Variants in SCAP observed in about 807,000 individuals in gnomAD.
SCAP encodes the protein SREBF chaperone.
Under a neutral mutation model 123.6 loss-of-function variants are expected in SCAP, and 65 were observed. The ratio of observed to expected loss-of-function variants is 0.53; its 90% CI spans 0.43 to 0.65. SCAP has a LOEUF of 0.65. Ranked by LOEUF, SCAP falls within the 30% of genes least tolerant of loss-of-function variation. SCAP has a pLI of 0.00. For synonymous variants in SCAP, 740 were observed against 726.3 expected, an observed-to-expected ratio of 1.02 and a Z score of -0.30; for missense variants, 1,398 against 1,712.5, an observed-to-expected ratio of 0.82 and a Z score of 3.24.
At chr3:47,446,823 A>G (rs1192116963) in intron 1 of SCAP, among the ~76,000 whole-genome samples, 2 of 152,064 alleles carry the variant, frequency 1.3e-5, no homozygotes, top group East Asian at 3.9e-4. Flanking sequence ...ACATGCCTGT[A>G]GTCCTAGCTA....
Position 47,428,655 on chromosome 3 carries a change from C to G in SCAP, c.268G>C (p.Val90Leu), listed in dbSNP as rs1464342390. The G allele has an allele frequency of 1.2e-6, 2 of 1,614,010 alleles. No homozygotes were observed. The highest frequency in any genetic ancestry group is 4.5e-5 in the East Asian group (2 of 44,884). The change falls in exon 4 of 23, where the codon GTG becomes CTG. Residue 90 changes from valine (V) to leucine (L), a missense_variant. Coordinates refer to ENST00000265565, the MANE Select transcript of SCAP (RefSeq NM_012235.4). ...EQPEWYVGAPVAYVQQIFVKS... is the reference protein window; with the variant it reads ...EQPEWYVGAPLAYVQQIFVKS... Reference sequence around the variant, plus strand: ...ACAAATATCTGCTGGACATAAGCCACCGGGGCACCCACATACTGCAGAAGA... The same window carrying G: ...ACAAATATCTGCTGGACATAAGCCAGCGGGGCACCCACATACTGCAGAAGA...
At chr3:47,446,102 T>C (rs902157716) in intron 1 of SCAP, among the ~76,000 whole-genome samples, 5 of 151,568 alleles carry the variant, frequency 3.3e-5, no homozygotes, top group African/African-American at 1.2e-4. Flanking sequence ...TCTCAATCTC[T>C]TGACCTCGTG....
intron 3 of SCAP, among the ~76,000 whole-genome samples, chr3:47,430,823 C>A (rs1706328615): frequency 1.3e-5 from 2 of 151,880 alleles, no homozygotes; most frequent in African/African-American, 4.8e-5. Flanking sequence ...GGGGCTGTCT[C>A]CACGCCTGGG....
chr3:47,429,268 G>A (rs540441420), intron 3 of SCAP, among the ~76,000 whole-genome samples: 3 of 152,262 alleles, frequency 2.0e-5, no homozygotes, highest in African/African-American at 7.2e-5. Context: ...TGGGCAGCGA[G>A]CCTCTTTTGC....
chr3:47,416,199 AAAGGCGTCCGGCAG>A (rs1297379881), intron 18 of SCAP, among the ~76,000 whole-genome samples: 1 of 152,244 alleles, frequency 6.6e-6, no homozygotes, highest in East Asian at 1.9e-4. Flanking sequence ...ACAGGCAGGC[AAAGGCGTCCGGCAG>A]AAGGCACCTG....
At chr3:47,428,476 T>C in intron 4 of SCAP, 37 bp downstream of exon 4, 1 of 1,602,914 alleles carries the variant, frequency 6.2e-7, no homozygotes, top group Non-Finnish European at 8.5e-7. Flanking sequence ...CAGTACAGAA[T>C]GGGATTCAGG....
Position 47,420,571 on chromosome 3 carries a change from C to A in SCAP, c.1546G>T (p.Ala516Ser). 2.5e-6 allele frequency: 4 copies of A among 1,605,914 alleles called. No homozygotes were observed. The highest frequency in any genetic ancestry group is 3.4e-6 in the Non-Finnish European group (4 of 1,176,706). The change falls in exon 12 of 23, where the codon GCA (alanine) becomes TCA (serine). Residue 516 changes from alanine to serine, a missense_variant. Ala to Ser is a moderately conservative substitution (Grantham distance 99, BLOSUM62 1). Coordinates refer to ENST00000265565, the MANE Select transcript of SCAP (RefSeq NM_012235.4). This position sits in a 1 kb window ranked among gnomAD's most constrained non-coding sequence, Gnocchi z 5.0. ...GCAGGTACCATGATGAGGCGCTGTG[C>A]CAGGCGGGTGCGGGCCAGGAAGTAG... is the stretch of plus-strand genomic sequence containing the variant. ...VVYFLARTRL[A>S]QRLIMAGTVV...
intron 1 of SCAP, among the ~76,000 whole-genome samples, chr3:47,455,870 T>C (rs985958438): frequency 6.6e-6 from 1 of 152,066 alleles, no homozygotes; most frequent in Non-Finnish European, 1.5e-5. Flanking sequence ...GGGAACTAAC[T>C]TCACCAAATA....
intron 1 of SCAP, among the ~76,000 whole-genome samples, chr3:47,454,224 G>A (rs1250511097): frequency 1.3e-5 from 2 of 151,924 alleles, no homozygotes; most frequent in Non-Finnish European, 2.9e-5. Flanking sequence ...AAAATTAGCC[G>A]GGCGAGGTGG....
chr3:47,427,395 G>A lies in SCAP; in HGVS notation c.631+52C>T, dbSNP rs190990044. 56 of 1,585,080 alleles carry A rather than the reference G, an allele frequency of 3.5e-5. No individual in the cohort carries two copies. The Admixed American group carries it at 4.7e-4, about 13-fold the overall frequency. On this transcript the variant is annotated intron_variant, in intron 5 of 22. Transcript: ENST00000265565. ...CTGCCTAAGCACACATCAAAAAGAC[G>A]GTGACCAATGGGCACCTTTACAGGT... is the stretch of plus-strand genomic sequence containing the variant.
intron 1 of SCAP, among the ~76,000 whole-genome samples, chr3:47,445,403 C>T (rs919455832): frequency 6.6e-6 from 1 of 151,890 alleles, no homozygotes; most frequent in African/African-American, 2.4e-5. Context: ...CCCGCCACTA[C>T]GCCCAGCTAT....
In SCAP at chr3:47,418,350, C is replaced by T. The variant is rs756639053; in HGVS notation, c.2302G>A (p.Val768Met). 11 of 1,569,696 alleles carry T rather than the reference C, an allele frequency of 7.0e-6. No homozygotes were observed. The highest frequency in any genetic ancestry group is 5.4e-5 in the African/African-American group (4 of 73,836). ...YGYAPPETEIVPLVLRGHLMD... is the reference protein window; with the variant it reads ...YGYAPPETEIMPLVLRGHLMD... ...AGGTGGCCGCGCAGCACAAGCGGCA[C>T]GATCTCCGTCTCGGGTGGCGCATAG... Residue 768 changes from valine to methionine, a missense_variant, in exon 15 of 23, where the codon GTG becomes ATG. By Grantham distance (21) the Val-to-Met change is conservative. Transcript: ENST00000265565.
intron 1 of SCAP, among the ~76,000 whole-genome samples, chr3:47,458,544 T>C (rs1199017685): frequency 6.6e-6 from 1 of 152,180 alleles, no homozygotes; most frequent in African/African-American, 2.4e-5. Context: ...AGAAGATGAG[T>C]ACTGGCACAT....
chr3:47,420,711 C>T lies in SCAP; in HGVS notation c.1406G>A (p.Gly469Glu). The change falls in exon 12 of 23, where the codon GGA becomes GAA. Residue 469 changes from glycine to glutamate, a missense_variant. Gly to Glu is a moderately conservative substitution (Grantham distance 98). Coordinates refer to ENST00000265565, the MANE Select transcript of SCAP (RefSeq NM_012235.4). The surrounding 1 kb of genome is among the most constrained non-coding windows in gnomAD (Gnocchi z 5.0). ...CTGCCGCTCGTAGCGCGTTGGCTGT[C>T]CCACTGGCTTGGCTGAGGGCAGGCA... Reference protein sequence around the residue: ...EACLPSAKPVGQPTRYERQLA... With the variant: ...EACLPSAKPVEQPTRYERQLA... 1 of 1,611,426 alleles carries T rather than the reference C, an allele frequency of 6.2e-7. No homozygotes were observed. The highest frequency in any genetic ancestry group is 8.5e-7 in the Non-Finnish European group (1 of 1,179,970).
At position 47,472,724 on chromosome 3, in the gene SCAP, G is replaced by A. The variant is rs1234113550; in HGVS notation, c.-99+3075C>T. ...CCATCCCCACACTAGAGTCAGTGACGCTGGCTTCCTCCCACCACCCCTACC... is the reference window on the plus strand; with the variant it reads ...CCATCCCCACACTAGAGTCAGTGACACTGGCTTCCTCCCACCACCCCTACC... On this transcript the variant is annotated intron_variant, in intron 1 of 22. Coordinates refer to ENST00000265565, the MANE Select transcript of SCAP (RefSeq NM_012235.4). Among the ~76,000 whole-genome samples the A allele has an allele frequency of 2.0e-5, 3 of 152,124 alleles. No individual in the cohort carries two copies. The East Asian group carries it at 5.8e-4, about 29-fold the overall frequency.
chr3:47,438,959 G>A (rs1706695277), intron 2 of SCAP, among the ~76,000 whole-genome samples: 1 of 152,106 alleles, frequency 6.6e-6, no homozygotes, highest in Admixed American at 6.6e-5. Flanking sequence ...TAGAAGACTA[G>A]GAAGACAGTG....
intron 9 of SCAP, among the ~76,000 whole-genome samples, chr3:47,423,557 C>T (rs1320323756): frequency 1.3e-5 from 2 of 152,220 alleles, no homozygotes; most frequent in African/African-American, 4.8e-5. Context: ...ATATGCCCTG[C>T]TAATTTTTCT....
At chr3:47,428,729 G>C in intron 3 of SCAP, 59 bp from the exon 4 acceptor site, 1 of 1,579,634 alleles carries the variant, frequency 6.3e-7, no homozygotes, top group African/African-American at 1.4e-5. Context: ...AAGAAAGACG[G>C]TCCAATTCAA....
Position 47,417,727 on chromosome 3 carries a change from C to T in SCAP, c.2547G>A (p.Gly849=), listed in dbSNP as rs762182225. 7.5e-6 allele frequency: 12 copies of T among 1,607,764 alleles called. No individual in the cohort carries two copies. The highest frequency in any genetic ancestry group is 1.1e-5 in the South Asian group (1 of 90,758). The change falls in exon 17 of 23, where the codon GGG becomes GGA. Residue 849 remains glycine, a synonymous_variant. Coordinates refer to ENST00000265565, the MANE Select transcript of SCAP (RefSeq NM_012235.4). ...DGGKAGPEEP[G]DSPPLRHRPR... is the part of the protein sequence containing the mutation. ...GGCGGTGTCTCAGGGGAGGGCTGTC[C>T]CCAGGCTCCTCTGGACCAGCCTTCC...
Sources: gnomAD v4.1 joint callset for allele counts (sites outside exome capture counted in the v4.1 genomes callset) on GRCh38, gnomAD v4.1.1 for gene constraint, Gnocchi (gnomAD v3.1) non-coding constraint, MANE v1.5 for transcripts, NCBI Gene and HGNC (gene_info 2026-07-23, HGNC 2026-07-21) for gene names.